Variants in TARBP1 observed in about 807,000 individuals in gnomAD.
TARBP1 encodes the protein tRNA (guanosine(18)-2'-O)-methyltransferase TARBP1.
Under a neutral mutation model 178.6 loss-of-function variants are expected in TARBP1, and 144 were observed. That is an observed-to-expected ratio of 0.81 (90% CI 0.70 to 0.93). TARBP1 has a LOEUF of 0.93. TARBP1 is among the 40% of genes least tolerant of loss of function. The probability of loss-of-function intolerance (pLI) is 0.00; values close to 1 mark genes in which losing one functional copy is unlikely to be tolerated. For missense variants in TARBP1, 2,067 were observed against 2,011.7 expected, an observed-to-expected ratio of 1.03 and a Z score of -0.53; for synonymous variants, 787 against 781.0, an observed-to-expected ratio of 1.01 and a Z score of -0.13.
rs1293331773 is a variant in TARBP1, at chr1:234,478,893, G to C, written c.211C>G (p.Pro71Ala). 9 of 1,376,096 alleles carry C rather than the reference G, an allele frequency of 6.5e-6. No individual in the cohort carries two copies. Among genetic ancestry groups the C allele is most frequent in the Non-Finnish European group, 2.8e-6 (3 of 1,071,812 alleles). 85.2% of individuals were successfully genotyped at this position (1,376,096 alleles called of 1,614,324 possible). Residue 71 changes from proline to alanine, a missense_variant, in exon 1 of 30, where the codon CCA becomes GCA. Pro to Ala is a conservative substitution (Grantham distance 27, BLOSUM62 -1). Coordinates refer to ENST00000040877, the MANE Select transcript of TARBP1 (RefSeq NM_005646.4). The stretch of plus-strand genomic sequence containing the variant: ...CGTCCGCGCAGGCTCCGCAGCAGTG[G>C]CACGAGGTACCCTGCAGCCACCTCG... ...AREVAAGYLV[P>A]LLRSLRGRPA...
chr1:234,425,531 A>G, intron 20 of TARBP1, 142 bp downstream of exon 20: 1 of 927,724 alleles, frequency 1.1e-6, no homozygotes, highest in African/African-American at 1.7e-5. Context: ...CCTAATCAAG[A>G]CTGAATTAAA....
At position 234,457,603 on chromosome 1, in the gene TARBP1, AATTC is replaced by A. The variant is rs374431030; in HGVS notation, c.1722+60_1722+63del. ...TATTTTATATAAATGGCTACTAAGA[AATTC>A]ATTAAGAAAACCATTTTTTATAGTT... On this transcript the variant is annotated intron_variant, in intron 9 of 29. Coordinates refer to ENST00000040877, the MANE Select transcript of TARBP1 (RefSeq NM_005646.4). 10,219 of 1,131,986 alleles carry A rather than the reference AATTC, an allele frequency of 9.0e-3. 61 individuals are homozygous for A. The highest frequency in any genetic ancestry group is 0.011 in the South Asian group (731 of 68,224). The allele number at this position is 1,131,986 out of a possible 1,614,324, so 70.1% of individuals were successfully genotyped here. A position where few individuals can be genotyped will look rare whatever the true frequency, so the allele number is the denominator to read the frequency against.
intron 25 of TARBP1, among the ~76,000 whole-genome samples, chr1:234,400,661 T>C (rs566594706): frequency 1.3e-5 from 2 of 152,310 alleles, no homozygotes; most frequent in Admixed American, 6.5e-5. Context: ...ATTGAATTAA[T>C]TTACATGTTA....
At chr1:234,401,637 T>A (rs991115757) in intron 24 of TARBP1, among the ~76,000 whole-genome samples, 1 of 152,194 alleles carries the variant, frequency 6.6e-6, no homozygotes, top group Non-Finnish European at 1.5e-5. Flanking sequence ...AAAACATCTG[T>A]TGTCAAGTTT....
At chr1:234,454,272 T>C (rs1289702547) in intron 9 of TARBP1, among the ~76,000 whole-genome samples, 1 of 152,194 alleles carries the variant, frequency 6.6e-6, no homozygotes, top group African/African-American at 2.4e-5. Flanking sequence ...TTTGAATACC[T>C]GAACAAACAA....
intron 4 of TARBP1, among the ~76,000 whole-genome samples, chr1:234,466,102 C>A (rs1390647463): frequency 6.6e-5 from 10 of 152,178 alleles, no homozygotes; most frequent in African/African-American, 2.4e-4. Context: ...AAATTATACT[C>A]AAAAATTACT....
intron 24 of TARBP1, among the ~76,000 whole-genome samples, chr1:234,404,484 A>T (rs1661012627): frequency 6.6e-6 from 1 of 152,256 alleles, no homozygotes; most frequent in Non-Finnish European, 1.5e-5. Context: ...ATGTAAACTC[A>T]GCCATGTATT....
intron 20 of TARBP1, among the ~76,000 whole-genome samples, chr1:234,421,309 G>A (rs531627327): frequency 2.6e-5 from 4 of 152,148 alleles, no homozygotes; most frequent in East Asian, 1.9e-4. Flanking sequence ...GGCTGGCCTC[G>A]AGCTCCTGAC....
At chr1:234,406,258 A>G (rs1661229558) in intron 23 of TARBP1, 159 bp from the exon 24 acceptor site, 1 of 641,166 alleles carries the variant, frequency 1.6e-6, no homozygotes, top group African/African-American at 1.8e-5. Flanking sequence ...CTCCTGGTCA[A>G]ATGCGGTGCA....
chr1:234,412,642 ACT>A lies in TARBP1; in HGVS notation c.3706-2113_3706-2112del, dbSNP rs577063330. 7.4e-4 allele frequency among the ~76,000 whole-genome samples: 112 copies of A among 152,104 alleles called. 1 individual carries two copies. Among genetic ancestry groups the A allele is most frequent in the Non-Finnish European group, 1.4e-3 (93 of 68,010 alleles). On this transcript the variant is annotated intron_variant, in intron 22 of 29. Transcript: ENST00000040877. ...TATAATTGCCGGGTGACAGAGCAAG[ACT>A]CTGTCTCAAAAATAAATAAAGAAGA...
chr1:234,414,827 T>C (rs924400742), intron 22 of TARBP1, among the ~76,000 whole-genome samples: 4 of 151,834 alleles, frequency 2.6e-5, no homozygotes, highest in African/African-American at 9.7e-5. Context: ...CTACTAAAAA[T>C]ACAAAAATTA....
rs752624858 is a variant in TARBP1 at position 234,479,016 on chromosome 1, C to T, written c.88G>A (p.Ala30Thr). 6.6e-6 allele frequency: 10 copies of T among 1,521,596 alleles called. No homozygotes were observed. The highest frequency in any genetic ancestry group is 7.8e-6 in the Non-Finnish European group (9 of 1,146,988). The allele number at this position is 1,521,596 out of a possible 1,614,324, so 94.3% of individuals were successfully genotyped here. The change falls in exon 1 of 30, where the codon GCG (alanine) becomes ACG (threonine). Residue 30 changes from alanine to threonine, a missense_variant. Ala to Thr is a moderately conservative substitution (Grantham distance 58). Transcript: ENST00000040877. Reference protein sequence around the residue: ...LGALCQGEASAERVETLRFLL... With the variant: ...LGALCQGEASTERVETLRFLL... ...AAGCGCAGCGTCTCCACGCGCTCCG[C>T]GGATGCCTCCCCTTGGCACAGCGCC...
chr1:234,478,135 G>A, intron 1 of TARBP1, 38 bp downstream of exon 1: 1 of 1,593,256 alleles, frequency 6.3e-7, no homozygotes, highest in Non-Finnish European at 8.6e-7. Context: ...GGGCAGCCAA[G>A]TAGGTAGCAC....
At chr1:234,421,368 C>G (rs1369173664) in intron 20 of TARBP1, among the ~76,000 whole-genome samples, 1 of 152,168 alleles carries the variant, frequency 6.6e-6, no homozygotes. Flanking sequence ...GGATTACAGG[C>G]ATGAGCCATG....
chr1:234,396,883 G>A (rs1340473430), intron 26 of TARBP1, among the ~76,000 whole-genome samples: 1 of 151,980 alleles, frequency 6.6e-6, no homozygotes, highest in Non-Finnish European at 1.5e-5. Context: ...GGGGCATGTG[G>A]GGGACTCAGA....
At chr1:234,408,887 G>A (rs1213665958) in intron 23 of TARBP1, among the ~76,000 whole-genome samples, 2 of 152,114 alleles carry the variant, frequency 1.3e-5, no homozygotes, top group African/African-American at 2.4e-5. Flanking sequence ...TTGATAAATC[G>A]GCTCTGTGTA....
At chr1:234,460,132 G>A (rs537312532) in intron 7 of TARBP1, 129 bp downstream of exon 7, 196 of 1,034,740 alleles carry the variant, frequency 1.9e-4, no homozygotes, top group Middle Eastern at 4.8e-4. Flanking sequence ...GTAAAATTAA[G>A]AGCCCAAACA....
At chr1:234,448,779 T>C (rs1410255060) in intron 10 of TARBP1, among the ~76,000 whole-genome samples, 200 bp from the exon 11 acceptor site, 1 of 152,320 alleles carries the variant, frequency 6.6e-6, no homozygotes, top group African/African-American at 2.4e-5. Context: ...AAAAGAAATT[T>C]GTGTGCCTGC....
rs752481618 is a variant in TARBP1 at position 234,460,279 on chromosome 1, T to C, written c.1517A>G (p.Asp506Gly). Residue 506 changes from aspartate (D) to glycine (G), a missense_variant, in exon 7 of 30, where the codon GAT becomes GGT. Transcript: ENST00000040877. Reference sequence around the variant, plus strand: ...AAATTACCTGAGAGCAAGAAGCCCATCTATACCCAGGGCCTTATGTCTTGG... The same window carrying C: ...AAATTACCTGAGAGCAAGAAGCCCACCTATACCCAGGGCCTTATGTCTTGG... The part of the protein sequence containing the change: ...NVPRHKALGI[D>G]GLLALRDVIH... 4.3e-6 allele frequency: 7 copies of C among 1,614,038 alleles called. No homozygotes were observed. The highest frequency in any genetic ancestry group is 3.3e-4 in the Middle Eastern group (2 of 6,060).
Sources: allele counts gnomAD v4.1 joint callset (sites outside exome capture counted in the v4.1 genomes callset), GRCh38; gene constraint gnomAD v4.1.1; transcripts MANE v1.5; gene names NCBI Gene and HGNC (gene_info 2026-07-23, HGNC 2026-07-21).